The following DNAJA4 variants were observed in gnomAD, a reference collection of about 807,000 sequenced individuals.
The protein encoded by DNAJA4 is DnaJ heat shock protein family (Hsp40) member A4, also known as dnaJ homolog subfamily A member 4.
DNAJA4 carries 32 observed loss-of-function variants against 39.7 expected under a neutral mutation model. That is an observed-to-expected ratio of 0.81 (90% CI 0.61 to 1.08). The LOEUF (loss-of-function observed/expected upper bound fraction) is 1.08. DNAJA4 is among the 50% of genes least tolerant of loss of function. The pLI is 0.00. For missense variants in DNAJA4, 439 were observed against 505.1 expected (o/e 0.87, Z 1.25); for synonymous variants, 184 against 182.4 (o/e 1.01, Z -0.07).
At chr15:78,276,624 TG>T (rs2049467248) in intron 5 of DNAJA4, among the ~76,000 whole-genome samples, 1 of 152,262 alleles carries the variant, frequency 6.6e-6, no homozygotes, top group Non-Finnish European at 1.5e-5. Context: ...TGGATGGGTG[TG>T]GTGGCGGCTA....
chr15:78,277,323 T>C (rs2049496197), intron 5 of DNAJA4, among the ~76,000 whole-genome samples: 1 of 152,202 alleles, frequency 6.6e-6, no homozygotes, highest in Admixed American at 6.5e-5. Flanking sequence ...GCCCATCTAA[T>C]GTTTGTACTT....
Position 78,270,482 on chromosome 15 carries a change from C to CT in DNAJA4, c.133-14dup. The CT allele has an allele frequency of 6.2e-7, 1 of 1,600,122 alleles. No individual in the cohort carries two copies. Among genetic ancestry groups the CT allele is most frequent in the Non-Finnish European group, 8.5e-7 (1 of 1,174,008 alleles). ...GAAACTTCTCTAAAAATCTCTCTCTCTCTCTCTTTTAAAGTTTAAACTCAT... is the reference window on the plus strand; with the variant it reads ...GAAACTTCTCTAAAAATCTCTCTCTCTTCTCTCTTTTAAAGTTTAAACTCAT... On this transcript the variant is annotated splice_polypyrimidine_tract_variant and intron_variant, in intron 1 of 6. Coordinates refer to ENST00000394852, the MANE Select transcript of DNAJA4 (RefSeq NM_001130182.2).
intron 1 of DNAJA4, among the ~76,000 whole-genome samples, chr15:78,267,185 T>TGTGTGTGA (rs1567115121): frequency 0.025 from 2,533 of 102,592 alleles, 85 homozygotes; most frequent in African/African-American, 0.091. Flanking sequence ...TGTGTGAGTG[T>TGTGTGTGA]GTGTGTGAGT....
chr15:78,278,450 C>G (rs991970127), intron 5 of DNAJA4: 24 of 369,408 alleles, frequency 6.5e-5, no homozygotes, highest in South Asian at 2.0e-4. Context: ...CCTGCTACAC[C>G]CTAGGCTGTG....
chr15:78,266,971 G>A (rs1446319644), intron 1 of DNAJA4, among the ~76,000 whole-genome samples: 1 of 152,154 alleles, frequency 6.6e-6, no homozygotes, highest in Non-Finnish European at 1.5e-5. Context: ...AATTTAGATC[G>A]GAAATCAAAG....
Position 78,280,085 on chromosome 15 carries a change from T to C in DNAJA4, c.918T>C (p.Asp306=), listed in dbSNP as rs748872790. Residue 306 remains aspartate, a synonymous_variant, in exon 6 of 7, where the codon GAT becomes GAC. Coordinates refer to ENST00000394852, the MANE Select transcript of DNAJA4 (RefSeq NM_001130182.2). The part of the protein sequence containing the change: ...IKHGDLRCVR[D]EGMPIYKAPL... The stretch of plus-strand genomic sequence containing the variant: ...ACGGGGACCTGAGATGCGTGCGCGA[T>C]GAAGGAATGCCCATCTACAAAGCAC... 5.0e-6 allele frequency: 8 copies of C among 1,614,230 alleles called. No homozygotes were observed. Among genetic ancestry groups the C allele is most frequent in the East Asian group, 4.5e-5 (2 of 44,888 alleles).
intron 3 of DNAJA4, among the ~76,000 whole-genome samples, 163 bp from the exon 4 acceptor site, chr15:78,274,034 C>T (rs2049375119): frequency 6.6e-6 from 1 of 152,220 alleles, no homozygotes; most frequent in South Asian, 2.1e-4. Flanking sequence ...GTCTGCTTGG[C>T]TGGACTCCTC....
At chr15:78,278,496 C>T (rs572662304) in intron 5 of DNAJA4, among the ~76,000 whole-genome samples, 2 of 152,314 alleles carry the variant, frequency 1.3e-5, no homozygotes, top group East Asian at 3.9e-4. Context: ...AAAACCTGCA[C>T]AGCAGGTTGC....
In DNAJA4 at chr15:78,279,983, G is replaced by A. The variant is rs1595929994; in HGVS notation, c.878-62G>A. 1.0e-5 allele frequency: 16 copies of A among 1,529,586 alleles called. No homozygotes were observed. In the East Asian group the frequency reaches 3.4e-4, roughly 32 times the overall value. The allele number at this position is 1,529,586 out of a possible 1,614,324, so 94.8% of individuals were successfully genotyped here. A position where few individuals can be genotyped will look rare whatever the true frequency, so the allele number is the denominator to read the frequency against. On this transcript the variant is annotated intron_variant, in intron 5 of 6. Coordinates refer to ENST00000394852, the MANE Select transcript of DNAJA4 (RefSeq NM_001130182.2). This position sits in a 1 kb window ranked among gnomAD's most constrained non-coding sequence, Gnocchi z 4.5. ...GGCCTGCCGCAGGCTCTCCCATGAG[G>A]GAGAACGACCTCTGCAGGCCCCTCT...
chr15:78,264,607 G>GGGCGGGC lies in DNAJA4; in HGVS notation c.-154_-148dup, dbSNP rs2049063696. The GGGCGGGC allele has an allele frequency of 8.8e-7, 1 of 1,134,038 alleles. No individual in the cohort carries two copies. Among genetic ancestry groups the GGGCGGGC allele is most frequent in the Non-Finnish European group, 1.1e-6 (1 of 927,242 alleles). 70.2% of individuals were successfully genotyped at this position (1,134,038 alleles called of 1,614,324 possible). A position where few individuals can be genotyped will look rare whatever the true frequency, so the allele number is the denominator to read the frequency against. On this transcript the variant is annotated 5_prime_UTR_variant, in exon 1 of 7. Coordinates refer to ENST00000394852, the MANE Select transcript of DNAJA4 (RefSeq NM_001130182.2). ...GGAAGTCGGTCCGGCGCGGGGCGGG[G>GGGCGGGC]GGCGGGCGGGAGCTACAAGCGGCGG... is the stretch of plus-strand genomic sequence containing the variant.
In DNAJA4 at chr15:78,274,191, C is replaced by T. The variant is rs1567117590; in HGVS notation, c.419-6C>T. On this transcript the variant is annotated splice_polypyrimidine_tract_variant and splice_region_variant and intron_variant, in intron 3 of 6. Transcript: ENST00000394852. ...GCCCTCATTCCTGCCTCCCCTGACCCTGCAGGTGTTGGTGGGAAGAAGGGA... is the reference window on the plus strand; with the variant it reads ...GCCCTCATTCCTGCCTCCCCTGACCTTGCAGGTGTTGGTGGGAAGAAGGGA... The T allele has an allele frequency of 1.2e-6, 2 of 1,612,636 alleles. No individual in the cohort carries two copies.
intron 4 of DNAJA4, chr15:78,274,653 A>C (rs374084403): frequency 9.6e-5 from 54 of 561,438 alleles, no homozygotes; most frequent in Admixed American, 6.4e-4. Flanking sequence ...TTGAGATCAC[A>C]GACAGCCTCT....
intron 1 of DNAJA4, chr15:78,265,343 T>C: frequency 1.6e-6 from 1 of 625,094 alleles, no homozygotes; most frequent in African/African-American, 1.8e-5. Context: ...TAGGGATGAG[T>C]GTCTTTAATC....
In DNAJA4 at chr15:78,270,555, A is replaced by G. The variant is rs1420992947; in HGVS notation, c.191A>G (p.Tyr64Cys). 6.2e-7 allele frequency: 1 copy of G among 1,614,228 alleles called. No homozygotes were observed. Among genetic ancestry groups the G allele is most frequent in the Non-Finnish European group, 8.5e-7 (1 of 1,180,036 alleles). The change falls in exon 2 of 7, where the codon TAT becomes TGT. Residue 64 changes from tyrosine to cysteine, a missense_variant. Physicochemically the swap from Tyr to Cys is radical, Grantham distance 194. Coordinates refer to ENST00000394852, the MANE Select transcript of DNAJA4 (RefSeq NM_001130182.2). ...TCAGATCCAAAGAAAAGGGATGTTT[A>G]TGACCAAGGCGGAGAGCAGGCAATT... ...VLSDPKKRDV[Y>C]DQGGEQAIKE...
At chr15:78,268,543 C>A (rs1206277040) in intron 1 of DNAJA4, among the ~76,000 whole-genome samples, 1 of 152,208 alleles carries the variant, frequency 6.6e-6, no homozygotes, top group East Asian at 1.9e-4. Context: ...TTCTCTCTCT[C>A]AAATTCCTTA....
At chr15:78,271,761 T>C (rs2049305299) in intron 2 of DNAJA4, among the ~76,000 whole-genome samples, 1 of 152,192 alleles carries the variant, frequency 6.6e-6, no homozygotes, top group Non-Finnish European at 1.5e-5. Context: ...ATTCCCCCTG[T>C]TTAGTTTACT....
chr15:78,273,225 G>A (rs755089589), intron 3 of DNAJA4, 26 bp downstream of exon 3: 28 of 1,248,706 alleles, frequency 2.2e-5, no homozygotes, highest in Admixed American at 8.4e-5. Flanking sequence ...TGACTGAACC[G>A]CACAGTTCTG....
intron 2 of DNAJA4, among the ~76,000 whole-genome samples, 144 bp from the exon 3 acceptor site, chr15:78,272,941 ATAGAAGCATT>A (rs1433830746): frequency 2.0e-5 from 3 of 152,238 alleles, no homozygotes; most frequent in Admixed American, 1.3e-4. Context: ...GGCTGGGGTA[ATAGAAGCATT>A]GCTTCCTGCA....
chr15:78,267,784 A>G (rs1314654861), intron 1 of DNAJA4, among the ~76,000 whole-genome samples: 3 of 152,228 alleles, frequency 2.0e-5, no homozygotes, highest in African/African-American at 4.8e-5. Flanking sequence ...ATCCTGATAC[A>G]TAGACATTTT....
Sources: allele counts gnomAD v4.1 joint callset (sites outside exome capture counted in the v4.1 genomes callset), GRCh38; gene constraint gnomAD v4.1.1; non-coding constraint Gnocchi (gnomAD v3.1); transcripts MANE v1.5; gene names NCBI Gene and HGNC (gene_info 2026-07-23, HGNC 2026-07-21).